Variants in LANCL3 observed in about 807,000 individuals in gnomAD.
LANCL3 encodes the protein LanC like family member 3.
LANCL3 carries 19 observed loss-of-function variants against 26.5 expected under a neutral mutation model. That is an observed-to-expected ratio of 0.72 (90% CI 0.50 to 1.05). The LOEUF (loss-of-function observed/expected upper bound fraction) is 1.05. LANCL3 is among the 50% of genes least tolerant of loss of function. LANCL3 has a pLI of 0.00. For synonymous variants in LANCL3, 160 were observed against 166.6 expected (o/e 0.96, Z 0.30); for missense variants, 318 against 362.7 (o/e 0.88, Z 1.00).
At position 37,658,747 on chromosome X, in the gene LANCL3, G is replaced by A. The variant is rs782786027; in HGVS notation, c.698-715G>A. ...GCCGTTTCATTGGACTGGATGGAGA[G>A]GTCTTCAAATGTATCGACCAAATCA... is the stretch of plus-strand genomic sequence containing the variant. On this transcript the variant is annotated intron_variant, in intron 2 of 4. Transcript: ENST00000378619. Among the ~76,000 whole-genome samples the A allele has an allele frequency of 2.7e-5, 3 of 112,016 alleles. No individual in the cohort carries two copies. The East Asian group carries it at 8.4e-4, about 31-fold the overall frequency.
chrX:37,619,565 G>A (rs1375388411), intron 1 of LANCL3, among the ~76,000 whole-genome samples: 1 of 89,820 alleles, frequency 1.1e-5, no homozygotes, highest in Non-Finnish European at 2.1e-5. Flanking sequence ...ACAAAAGTGG[G>A]GTTAAAGAAC....
intron 1 of LANCL3, among the ~76,000 whole-genome samples, chrX:37,590,968 A>G (rs1796220040): frequency 8.9e-6 from 1 of 111,830 alleles, no homozygotes; most frequent in Admixed American, 9.5e-5. Flanking sequence ...CTGTACCCTT[A>G]ACCTTGGCCA....
intron 1 of LANCL3, among the ~76,000 whole-genome samples, chrX:37,573,307 G>C (rs781846472): frequency 4.4e-5 from 5 of 112,379 alleles, no homozygotes; most frequent in Non-Finnish European, 7.5e-5. Flanking sequence ...AGAACGGAGA[G>C]AGAGGCACTT....
chrX:37,589,726 G>C (rs1924218307), intron 1 of LANCL3, among the ~76,000 whole-genome samples: 2 of 111,710 alleles, frequency 1.8e-5, no homozygotes, highest in African/African-American at 6.6e-5. Flanking sequence ...AGTCTACATT[G>C]ACTAAATAGC....
chrX:37,631,351 T>C (rs1316406836), intron 1 of LANCL3, among the ~76,000 whole-genome samples: 1 of 111,872 alleles, frequency 8.9e-6, no homozygotes, highest in Non-Finnish European at 1.9e-5. Flanking sequence ...CTTTCTTCTT[T>C]ATTAATCTTG....
intron 1 of LANCL3, among the ~76,000 whole-genome samples, chrX:37,619,312 A>T (rs893463733): frequency 5.4e-5 from 6 of 111,405 alleles, no homozygotes; most frequent in Non-Finnish European, 7.5e-5. Flanking sequence ...AGCAATCAAG[A>T]TCCCCTTTTC....
chrX:37,597,785 G>A (rs1556419628), intron 1 of LANCL3, among the ~76,000 whole-genome samples: 1 of 105,224 alleles, frequency 9.5e-6, no homozygotes, highest in Admixed American at 1.1e-4. Flanking sequence ...CCAAAGAGCT[G>A]GGATTACAGG....
At chrX:37,599,310 A>G (rs1024687483) in intron 1 of LANCL3, among the ~76,000 whole-genome samples, 1 of 112,581 alleles carries the variant, frequency 8.9e-6, no homozygotes, top group East Asian at 2.8e-4. Flanking sequence ...TTCACCAATG[A>G]TAGTTTGAAT....
intron 1 of LANCL3, among the ~76,000 whole-genome samples, chrX:37,634,388 G>C (rs782628826): frequency 2.7e-4 from 30 of 113,060 alleles, no homozygotes; most frequent in African/African-American, 9.0e-4. Context: ...GACCCCTTGC[G>C]CTTCCTGAGT....
chrX:37,614,376 C>G (rs1924955041), intron 1 of LANCL3, among the ~76,000 whole-genome samples: 1 of 111,632 alleles, frequency 9.0e-6, no homozygotes, highest in African/African-American at 3.3e-5. Flanking sequence ...TAATGGGCAG[C>G]CAAATTTGAG....
intron 1 of LANCL3, among the ~76,000 whole-genome samples, chrX:37,574,915 G>A (rs201275279): frequency 0.015 from 1,523 of 102,183 alleles, 57 homozygotes; most frequent in African/African-American, 0.053. Flanking sequence ...GTGTGTGTAT[G>A]TATATATATA....
chrX:37,626,892 C>A (rs1602113945), intron 1 of LANCL3, among the ~76,000 whole-genome samples: 1 of 111,734 alleles, frequency 8.9e-6, no homozygotes, highest in East Asian at 2.8e-4. Context: ...CTTCTTGTTC[C>A]CTGTGAGTAA....
Position 37,571,851 on chromosome X carries a change from T to G in LANCL3, c.-20T>G, listed in dbSNP as rs1359731752. The G allele has an allele frequency of 6.8e-6, 8 of 1,183,706 alleles. No homozygotes were observed. In the African/African-American group the frequency reaches 7.0e-5, roughly 10 times the overall value. ...CTTCAAGCGGTCCTCAGCTCCGCAC[T>G]AGGGGGCACGGGCAACAGCATGGAC... On this transcript the variant is annotated 5_prime_UTR_variant, in exon 1 of 5. Coordinates refer to ENST00000378619, the MANE Select transcript of LANCL3 (RefSeq NM_001170331.2).
chrX:37,652,587 C>T (rs782566793), intron 1 of LANCL3, among the ~76,000 whole-genome samples: 1 of 112,374 alleles, frequency 8.9e-6, no homozygotes, highest in African/African-American at 3.2e-5. Flanking sequence ...TCAACAAATG[C>T]ATTGATCTTA....
At chrX:37,605,273 A>T (rs1463392095) in intron 1 of LANCL3, among the ~76,000 whole-genome samples, 1 of 111,892 alleles carries the variant, frequency 8.9e-6, no homozygotes, top group East Asian at 2.8e-4. Flanking sequence ...GAAAAGCAAA[A>T]AAAAGATGGG....
intron 3 of LANCL3, among the ~76,000 whole-genome samples, chrX:37,663,623 A>G (rs1452543154): frequency 9.0e-6 from 1 of 111,561 alleles, no homozygotes; most frequent in Non-Finnish European, 1.9e-5. Flanking sequence ...TGTCATGGTC[A>G]GATTACGGTC....
chrX:37,646,446 C>T (rs1187159232), intron 1 of LANCL3, among the ~76,000 whole-genome samples: 1 of 112,453 alleles, frequency 8.9e-6, no homozygotes, highest in Non-Finnish European at 1.9e-5. Flanking sequence ...CTGGCTCTTT[C>T]TTGTAACCTA....
Position 37,682,277 on chromosome X carries a change from T to A in LANCL3, c.*6464T>A, listed in dbSNP as rs868978209. On this transcript the variant is annotated 3_prime_UTR_variant, in exon 5 of 5. Transcript: ENST00000378619. The stretch of plus-strand genomic sequence containing the variant: ...GCCACTACGCCCGGCTAATTTTTTG[T>A]ATTTTTAGTAGAGACGGGGTTTCAC... 9.2e-6 allele frequency: 1 copy of A among 108,687 alleles called. No individual in the cohort carries two copies. Among genetic ancestry groups the A allele is most frequent in the South Asian group, 4.1e-4 (1 of 2,443 alleles). 9.0% of individuals were successfully genotyped at this position (108,687 alleles called of 1,213,427 possible). A position where few individuals can be genotyped will look rare whatever the true frequency, so the allele number is the denominator to read the frequency against.
At chrX:37,583,920 T>A (rs1372543782) in intron 1 of LANCL3, among the ~76,000 whole-genome samples, 1 of 111,849 alleles carries the variant, frequency 8.9e-6, no homozygotes, top group African/African-American at 3.3e-5. Flanking sequence ...ATGCTTCCAG[T>A]TTTTGCCCAT....
Sources: allele counts gnomAD v4.1 joint callset (sites outside exome capture counted in the v4.1 genomes callset), GRCh38; gene constraint gnomAD v4.1.1; transcripts MANE v1.5; gene names NCBI Gene and HGNC (gene_info 2026-07-23, HGNC 2026-07-21).